PRKD1: variants seen among roughly 807,000 people sequenced by gnomAD.
PRKD1 encodes the protein serine/threonine-protein kinase D1.
Under a neutral mutation model 95.9 loss-of-function variants are expected in PRKD1, and 63 were observed. The ratio of observed to expected loss-of-function variants is 0.66; its 90% CI spans 0.54 to 0.81. PRKD1 has a LOEUF of 0.81. PRKD1 is among the 30% of genes least tolerant of loss of function. The pLI is 0.00. For missense variants in PRKD1, 1,048 were observed against 1,165.3 expected (o/e 0.90, Z 1.47); for synonymous variants, 425 against 423.1 (o/e 1.00, Z -0.05).
chr14:29,910,547 T>C (rs900311163), intron 1 of PRKD1, among the ~76,000 whole-genome samples: 1 of 152,208 alleles, frequency 6.6e-6, no homozygotes, highest in African/African-American at 2.4e-5. Flanking sequence ...AGAATTAATG[T>C]AGCCTTAAGA....
At chr14:29,738,130 A>AT (rs1886813025) in intron 1 of PRKD1, among the ~76,000 whole-genome samples, 1 of 152,186 alleles carries the variant, frequency 6.6e-6, no homozygotes, top group Non-Finnish European at 1.5e-5. Context: ...ATTTGGAGAC[A>AT]TATTTCTGAA....
At chr14:29,866,042 C>A (rs527771857) in intron 1 of PRKD1, among the ~76,000 whole-genome samples, 1 of 152,092 alleles carries the variant, frequency 6.6e-6, no homozygotes, top group Non-Finnish European at 1.5e-5. Flanking sequence ...ATCCAAAAAT[C>A]AAAATGAACA....
At chr14:29,730,220 C>A (rs1045631943) in intron 1 of PRKD1, among the ~76,000 whole-genome samples, 1 of 151,906 alleles carries the variant, frequency 6.6e-6, no homozygotes, top group African/African-American at 2.4e-5. Flanking sequence ...GAAAAATAGA[C>A]ATTTCTCAAA....
chr14:29,694,539 A>T (rs2139307302), intron 2 of PRKD1, among the ~76,000 whole-genome samples: 2 of 152,368 alleles, frequency 1.3e-5, no homozygotes, highest in Admixed American at 1.3e-4. Flanking sequence ...CACTGAAGAT[A>T]AGGCAGTGAA....
intron 1 of PRKD1, among the ~76,000 whole-genome samples, chr14:29,734,405 T>C (rs1886618143): frequency 6.6e-6 from 1 of 152,150 alleles, no homozygotes; most frequent in Non-Finnish European, 1.5e-5. Flanking sequence ...AGTTGGACTT[T>C]GTTGCCTTTT....
Position 29,674,845 on chromosome 14 carries a change from AAATAC to A in PRKD1, c.404-8642_404-8638del, listed in dbSNP as rs143968773. Among the ~76,000 whole-genome samples, 10 of 152,346 alleles carry A rather than the reference AAATAC, an allele frequency of 6.6e-5. No homozygotes were observed. The East Asian group carries it at 1.3e-3, about 21-fold the overall frequency. On this transcript the variant is annotated intron_variant, in intron 2 of 17. Coordinates refer to ENST00000331968, the MANE Select transcript of PRKD1 (RefSeq NM_002742.3). ...CAGGACAAATAGCATCACTGTTGTCAAATACAATACATTTGCAGCTAGAGACACAG... is the reference window on the plus strand; with the variant it reads ...CAGGACAAATAGCATCACTGTTGTCAAATACATTTGCAGCTAGAGACACAG...
At position 29,626,569 on chromosome 14, in the gene PRKD1, G is replaced by A. The variant is rs373733668; in HGVS notation, c.1726-13C>T. ...CTGTGCTGATGTCCTAGAGGTACAAGCCCAATGAAAAAAAAACATGAAGCA... is the reference window on the plus strand; with the variant it reads ...CTGTGCTGATGTCCTAGAGGTACAAACCCAATGAAAAAAAAACATGAAGCA... On this transcript the variant is annotated splice_polypyrimidine_tract_variant and intron_variant, in intron 11 of 17. Coordinates refer to ENST00000331968, the MANE Select transcript of PRKD1 (RefSeq NM_002742.3). 150 of 1,554,922 alleles carry A rather than the reference G, an allele frequency of 9.6e-5. No homozygotes were observed. The highest frequency in any genetic ancestry group is 1.2e-4 in the Non-Finnish European group (133 of 1,149,738).
At chr14:29,775,343 C>A (rs564221652) in intron 1 of PRKD1, among the ~76,000 whole-genome samples, 2 of 152,142 alleles carry the variant, frequency 1.3e-5, no homozygotes, top group South Asian at 2.1e-4. Flanking sequence ...CGAAGCAGGG[C>A]GAGGCATCGC....
chr14:29,817,051 T>C (rs1030305799), intron 1 of PRKD1, among the ~76,000 whole-genome samples: 1 of 152,224 alleles, frequency 6.6e-6, no homozygotes, highest in African/African-American at 2.4e-5. Context: ...TATACTTTAC[T>C]TTTTATGTTG....
chr14:29,688,776 C>A (rs1166876389), intron 2 of PRKD1, among the ~76,000 whole-genome samples: 1 of 151,086 alleles, frequency 6.6e-6, no homozygotes, highest in Admixed American at 6.6e-5. Flanking sequence ...TACTAAAATA[C>A]AAAAAAATTA....
intron 2 of PRKD1, among the ~76,000 whole-genome samples, chr14:29,675,366 A>C (rs908456150): frequency 6.6e-6 from 1 of 152,244 alleles, no homozygotes; most frequent in African/African-American, 2.4e-5. Context: ...ATACAGAACA[A>C]TTCCCAAATT....
chr14:29,876,018 C>G (rs796746817), intron 1 of PRKD1, among the ~76,000 whole-genome samples: 1 of 152,088 alleles, frequency 6.6e-6, no homozygotes, highest in African/African-American at 2.4e-5. Context: ...GTGAAGAGAA[C>G]CAAGAGATAC....
At chr14:29,677,771 G>A (rs985942375) in intron 2 of PRKD1, among the ~76,000 whole-genome samples, 4 of 152,122 alleles carry the variant, frequency 2.6e-5, no homozygotes, top group Non-Finnish European at 4.4e-5. Context: ...CACCATGTTG[G>A]CCAGGCTTGT....
chr14:29,636,165 A>AC, intron 7 of PRKD1, 125 bp downstream of exon 7: 1 of 1,163,006 alleles, frequency 8.6e-7, no homozygotes. Flanking sequence ...CACGCAGTTC[A>AC]TTCATATAAA....
chr14:29,734,498 C>A (rs1243735021), intron 1 of PRKD1, among the ~76,000 whole-genome samples: 2 of 152,040 alleles, frequency 1.3e-5, no homozygotes, highest in African/African-American at 4.8e-5. Flanking sequence ...TATTTTTAAG[C>A]TTTGTTAGGA....
chr14:29,646,692 C>A (rs1244035947), intron 4 of PRKD1, among the ~76,000 whole-genome samples: 2 of 150,556 alleles, frequency 1.3e-5, no homozygotes, highest in African/African-American at 4.9e-5. Flanking sequence ...TAGGAAAACA[C>A]AGTGGTGAAT....
At chr14:29,839,687 T>A (rs757413345) in intron 1 of PRKD1, among the ~76,000 whole-genome samples, 19 of 151,958 alleles carry the variant, frequency 1.3e-4, no homozygotes, top group African/African-American at 2.2e-4. Context: ...CATTTCCATA[T>A]ATCCTCTGAA....
intron 1 of PRKD1, among the ~76,000 whole-genome samples, chr14:29,754,599 A>T (rs183431611): frequency 8.3e-4 from 126 of 152,222 alleles, no homozygotes; most frequent in African/African-American, 2.8e-3. Flanking sequence ...TCTATTGATT[A>T]TGGTTTAACT....
intron 1 of PRKD1, among the ~76,000 whole-genome samples, chr14:29,811,604 C>T (rs572382655): frequency 2.0e-5 from 3 of 152,302 alleles, no homozygotes; most frequent in Admixed American, 6.5e-5. Context: ...TGCGTCAGAC[C>T]CTGACCCTCT....
Sources: allele counts gnomAD v4.1 joint callset (sites outside exome capture counted in the v4.1 genomes callset), GRCh38; gene constraint gnomAD v4.1.1; transcripts MANE v1.5; gene names NCBI Gene and HGNC (gene_info 2026-07-23, HGNC 2026-07-21).